TMEM209: variants seen among roughly 807,000 people sequenced by gnomAD.
TMEM209 encodes the protein testicular tissue protein Li 202.
TMEM209 carries 65 observed loss-of-function variants against 76.2 expected under a neutral mutation model. That is an observed-to-expected ratio of 0.85 (90% CI 0.70 to 1.05). TMEM209 has a LOEUF of 1.05. Ranked by LOEUF, TMEM209 falls within the 50% of genes least tolerant of loss-of-function variation. TMEM209 has a pLI of 0.00. For synonymous variants in TMEM209, 239 were observed against 237.6 expected, an observed-to-expected ratio of 1.01 and a Z score of -0.06; for missense variants, 623 against 685.5, an observed-to-expected ratio of 0.91 and a Z score of 1.02.
intron 5 of TMEM209, among the ~76,000 whole-genome samples, chr7:130,199,569 T>A (rs1798115414): frequency 3.3e-5 from 5 of 152,116 alleles, no homozygotes; most frequent in Admixed American, 3.3e-4. Flanking sequence ...TTTAAGATTT[T>A]AAAAAAAGAA....
rs535960242 is a variant in TMEM209, at chr7:130,193,745, A to T, written c.574-922T>A. The stretch of plus-strand genomic sequence containing the variant: ...TTTGGAGGAAAAGATGAATGAATAA[A>T]TGGTGCAGTTTCATTCTGTATGATA... On this transcript the variant is annotated intron_variant, in intron 5 of 14. Transcript: ENST00000397622. 3.3e-5 allele frequency among the ~76,000 whole-genome samples: 5 copies of T among 152,262 alleles called. No homozygotes were observed. In the South Asian group the frequency reaches 6.2e-4, roughly 19 times the overall value.
rs561013327 is a variant in TMEM209, at chr7:130,190,244, G to A, written c.775+2378C>T. ...TCAAATGGCTAATATTGGGCCAGGC[G>A]CGGTGGCTCACGGCTGTAATTCCCA... On this transcript the variant is annotated intron_variant, in intron 6 of 14. Coordinates refer to ENST00000397622, the MANE Select transcript of TMEM209 (RefSeq NM_032842.4). 1.1e-4 allele frequency among the ~76,000 whole-genome samples: 16 copies of A among 152,282 alleles called. No individual in the cohort carries two copies. In the South Asian group the frequency reaches 2.5e-3, roughly 24 times the overall value.
In TMEM209 at chr7:130,192,763, T is replaced by C; in HGVS notation, c.634A>G (p.Ser212Gly). ...CGGTAGCGAGATCTCAATCCACTGCTCTCCACTGGTCCAACAGTGGTAGGG... is the reference window on the plus strand; with the variant it reads ...CGGTAGCGAGATCTCAATCCACTGCCCTCCACTGGTCCAACAGTGGTAGGG... The part of the protein sequence containing the change: ...PYPTTVGPVE[S>G]SGLRSRYRSS... The change falls in exon 6 of 15, where the codon AGC becomes GGC. Residue 212 changes from serine (S) to glycine (G), a missense_variant. Ser to Gly is a moderately conservative substitution (Grantham distance 56, BLOSUM62 0). Coordinates refer to ENST00000397622, the MANE Select transcript of TMEM209 (RefSeq NM_032842.4). 6.2e-7 allele frequency: 1 copy of C among 1,613,928 alleles called. No homozygotes were observed. Among genetic ancestry groups the C allele is most frequent in the Non-Finnish European group, 8.5e-7 (1 of 1,179,852 alleles).
At chr7:130,178,374 A>AT in intron 10 of TMEM209, 28 bp downstream of exon 10, 2 of 1,557,656 alleles carry the variant, frequency 1.3e-6, no homozygotes, top group East Asian at 2.3e-5. Flanking sequence ...AAAAGCTCTT[A>AT]TTTTTTTCTC....
rs866368902 is a variant in TMEM209, at chr7:130,201,864, T to C, written c.559A>G (p.Ser187Gly). 2 of 1,613,986 alleles carry C rather than the reference T, an allele frequency of 1.2e-6. No individual in the cohort carries two copies. Among genetic ancestry groups the C allele is most frequent in the Non-Finnish European group, 1.7e-6 (2 of 1,179,892 alleles). ...AGAGTCATTACCTTATTATAACCAC[T>C]GACGGGCGAGTAGGTCACTCCAGGG... ...YSPGVTYSPV[S>G]GYNKLASFSP... The change falls in exon 5 of 15, where the codon AGT (serine) becomes GGT (glycine). Residue 187 changes from serine to glycine, a missense_variant. By Grantham distance (56) the Ser-to-Gly change is moderately conservative (BLOSUM62 0). Coordinates refer to ENST00000397622, the MANE Select transcript of TMEM209 (RefSeq NM_032842.4).
rs555017294 is a variant in TMEM209, at chr7:130,201,658, A to T, written c.573+192T>A. Among the ~76,000 whole-genome samples the T allele has an allele frequency of 7.9e-5, 12 of 152,310 alleles. 1 individual carries two copies. The South Asian group carries it at 2.3e-3, about 29-fold the overall frequency. On this transcript the variant is annotated intron_variant, in intron 5 of 14. Coordinates refer to ENST00000397622, the MANE Select transcript of TMEM209 (RefSeq NM_032842.4). ...TGCACTAAGTTTGTTATCTCTGTAA[A>T]TGCTAATTTTTTCTCTTTCATTTTA...
At chr7:130,177,545 G>T (rs1208123578) in intron 10 of TMEM209, among the ~76,000 whole-genome samples, 1 of 151,950 alleles carries the variant, frequency 6.6e-6, no homozygotes, top group African/African-American at 2.4e-5. Context: ...AAAGCAGGGG[G>T]TCGCGGGAGG....
intron 8 of TMEM209, among the ~76,000 whole-genome samples, chr7:130,182,850 T>C (rs1034102876): frequency 6.6e-6 from 1 of 152,208 alleles, no homozygotes; most frequent in African/African-American, 2.4e-5. Context: ...TTTGATATAC[T>C]GGCAAGACTT....
chr7:130,181,611 G>A lies in TMEM209; in HGVS notation c.1120+12C>T, dbSNP rs377380849. 2.5e-6 allele frequency: 4 copies of A among 1,605,770 alleles called. No individual in the cohort carries two copies. The African/African-American group carries it at 4.0e-5, about 16-fold the overall frequency. ...TAATAGAAATCCAACACTGGGCTCT[G>A]TTTTCACATACCTCCTATCTGTAGC... On this transcript the variant is annotated intron_variant, in intron 9 of 14. Transcript: ENST00000397622.
Position 130,185,358 on chromosome 7 carries a change from T to C in TMEM209, c.785A>G (p.Asp262Gly). Residue 262 changes from aspartate (D) to glycine (G), a missense_variant, in exon 7 of 15, where the codon GAT (aspartate) becomes GGT (glycine). Transcript: ENST00000397622. ...AGGACTGCTGGAAGGAGAGGTAGAA[T>C]CTGGGCTCCCTACAATTGTTAAGAT... is the stretch of plus-strand genomic sequence containing the variant. Reference protein sequence around the residue: ...KQHRVKLGSPDSTSPSSSPTF... With the variant: ...KQHRVKLGSPGSTSPSSSPTF... The C allele has an allele frequency of 6.2e-7, 1 of 1,613,564 alleles. No homozygotes were observed. The highest frequency in any genetic ancestry group is 8.5e-7 in the Non-Finnish European group (1 of 1,179,630).
chr7:130,201,246 C>G (rs1584698740), intron 5 of TMEM209, among the ~76,000 whole-genome samples: 2 of 152,110 alleles, frequency 1.3e-5, no homozygotes, highest in East Asian at 3.9e-4. Flanking sequence ...ACTCTTCTTT[C>G]AACGCCCCCT....
In TMEM209 at chr7:130,170,400, C is replaced by T. The variant is rs1410890948; in HGVS notation, c.1631G>A (p.Gly544Glu). The T allele has an allele frequency of 1.2e-6, 2 of 1,610,596 alleles. No homozygotes were observed. The highest frequency in any genetic ancestry group is 1.7e-5 in the Admixed American group (1 of 59,650). The change falls in exon 14 of 15, where the codon GGG becomes GAG. Residue 544 changes from glycine (G) to glutamate (E), a missense_variant and splice_region_variant. Physicochemically the swap from Gly to Glu is moderately conservative, Grantham distance 98 (BLOSUM62 -2). Transcript: ENST00000397622. ...IIKTKESGML[G>E]RVNLGLSGVN... ...ACGTTTTTAAAGCATAAGTACCTAC[C>T]CAAGCATTCCTGACTCTTTGGTCTT...
chr7:130,202,516 G>A lies in TMEM209; in HGVS notation c.331+16C>T, dbSNP rs1483142044. The A allele has an allele frequency of 6.3e-7, 1 of 1,591,986 alleles. No homozygotes were observed. Among genetic ancestry groups the A allele is most frequent in the East Asian group, 2.2e-5 (1 of 44,566 alleles). Reference sequence around the variant, plus strand: ...CAACCTTTTCCCCACCTTTGCAAGAGATATAAAACACTCACCAGCTGTTTT... The same window carrying A: ...CAACCTTTTCCCCACCTTTGCAAGAAATATAAAACACTCACCAGCTGTTTT... On this transcript the variant is annotated intron_variant, in intron 4 of 14. Coordinates refer to ENST00000397622, the MANE Select transcript of TMEM209 (RefSeq NM_032842.4).
At chr7:130,205,189 C>T (rs781495007) in intron 1 of TMEM209, 184 bp downstream of exon 1, 121 of 1,520,674 alleles carry the variant, frequency 8.0e-5, no homozygotes, top group Non-Finnish European at 1.0e-4. Flanking sequence ...CCAGAGCTTC[C>T]CTCCCCGGCT....
intron 3 of TMEM209, among the ~76,000 whole-genome samples, 195 bp downstream of exon 3, chr7:130,203,593 T>G (rs778256187): frequency 1.1e-4 from 17 of 152,366 alleles, no homozygotes; most frequent in Middle Eastern, 3.4e-3. Context: ...GTGTTATTAA[T>G]CTGATTGTCT....
At chr7:130,174,774 TCAAGATCAAAAAA>T (rs1433355784) in intron 11 of TMEM209, among the ~76,000 whole-genome samples, 1 of 152,178 alleles carries the variant, frequency 6.6e-6, no homozygotes, top group Non-Finnish European at 1.5e-5. Flanking sequence ...GCTGCATTAC[TCAAGATCAAAAAA>T]CAAGTAAAAA....
At position 130,170,389 on chromosome 7, in the gene TMEM209, T is replaced by A; in HGVS notation, c.1631+11A>T. 6.2e-7 allele frequency: 1 copy of A among 1,605,390 alleles called. No homozygotes were observed. Among genetic ancestry groups the A allele is most frequent in the Non-Finnish European group, 8.5e-7 (1 of 1,175,594 alleles). Reference sequence around the variant, plus strand: ...AATAACTACTTACGTTTTTAAAGCATAAGTACCTACCCAAGCATTCCTGAC... The same window carrying A: ...AATAACTACTTACGTTTTTAAAGCAAAAGTACCTACCCAAGCATTCCTGAC... On this transcript the variant is annotated intron_variant, in intron 14 of 14. Transcript: ENST00000397622.
intron 14 of TMEM209, among the ~76,000 whole-genome samples, chr7:130,169,370 AT>A (rs1459274992): frequency 6.6e-6 from 1 of 152,184 alleles, no homozygotes; most frequent in African/African-American, 2.4e-5. Context: ...ATAATTTTAA[AT>A]TTTCTAGTAG....
In TMEM209 at chr7:130,201,974, G is replaced by C; in HGVS notation, c.449C>G (p.Thr150Ser). Reference protein sequence around the residue: ...LSYSPSRSPSTSPKFTTSCMT... With the variant: ...LSYSPSRSPSSSPKFTTSCMT... Reference sequence around the variant, plus strand: ...ACAGCTGGTGGTGAACTTGGGACTGGTACTGGGCGAACGAGAAGGGCTATA... The same window carrying C: ...ACAGCTGGTGGTGAACTTGGGACTGCTACTGGGCGAACGAGAAGGGCTATA... The change falls in exon 5 of 15, where the codon ACC becomes AGC. Residue 150 changes from threonine (T) to serine (S), a missense_variant. Coordinates refer to ENST00000397622, the MANE Select transcript of TMEM209 (RefSeq NM_032842.4). 1 of 1,613,916 alleles carries C rather than the reference G, an allele frequency of 6.2e-7. No individual in the cohort carries two copies. The highest frequency in any genetic ancestry group is 8.5e-7 in the Non-Finnish European group (1 of 1,179,880).
Sources: allele counts gnomAD v4.1 joint callset (sites outside exome capture counted in the v4.1 genomes callset), GRCh38; gene constraint gnomAD v4.1.1; transcripts MANE v1.5; gene names NCBI Gene and HGNC (gene_info 2026-07-23, HGNC 2026-07-21).